Variants in CDH18 observed in about 807,000 individuals in gnomAD.
CDH18 encodes the protein cadherin-18.
In CDH18, 31 loss-of-function variants were observed where a neutral mutation model predicts 67.9. The observed-to-expected ratio is 0.46, with a 90% CI of 0.34 to 0.62. The LOEUF (loss-of-function observed/expected upper bound fraction) is 0.62, where lower values mean the gene tolerates loss of function less well. Ranked by LOEUF, CDH18 falls within the 20% of genes least tolerant of loss-of-function variation. The probability of loss-of-function intolerance (pLI) is 0.01; values close to 1 mark genes in which losing one functional copy is unlikely to be tolerated. For synonymous variants in CDH18, 362 were observed against 347.2 expected (o/e 1.04, Z -0.48); for missense variants, 890 against 975.5 (o/e 0.91, Z 1.17).
chr5:20,389,932 C>T (rs1349609755), intron 1 of CDH18, among the ~76,000 whole-genome samples: 2 of 152,128 alleles, frequency 1.3e-5, no homozygotes, highest in African/African-American at 4.8e-5. Flanking sequence ...ACTGGCTAGC[C>T]ATAGGTAGAA....
At chr5:19,707,196 G>T (rs1318981258) in intron 5 of CDH18, among the ~76,000 whole-genome samples, 1 of 152,072 alleles carries the variant, frequency 6.6e-6, no homozygotes, top group Admixed American at 6.5e-5. Context: ...CATTGCTCAA[G>T]TTCATGCTGA....
At chr5:19,831,467 G>T (rs532457726) in intron 3 of CDH18, among the ~76,000 whole-genome samples, 4 of 151,986 alleles carry the variant, frequency 2.6e-5, no homozygotes, top group Admixed American at 6.6e-5. Flanking sequence ...CTTCTCAAAA[G>T]AAGACATACA....
chr5:20,487,166 C>T (rs1394017102), intron 1 of CDH18, among the ~76,000 whole-genome samples: 2 of 152,276 alleles, frequency 1.3e-5, no homozygotes, highest in East Asian at 3.9e-4. Context: ...TCCCATGGTA[C>T]TGGCTCTAGG....
intron 5 of CDH18, among the ~76,000 whole-genome samples, chr5:19,695,445 G>T (rs941933358): frequency 1.3e-5 from 2 of 152,132 alleles, no homozygotes; most frequent in African/African-American, 4.8e-5. Context: ...TTAGTAATCT[G>T]CTTATACAGC....
chr5:20,255,502 A>G (rs1411615728), exon 2 of CDH18: 1 of 152,158 alleles, frequency 6.6e-6, no homozygotes, highest in Non-Finnish European at 1.5e-5. Flanking sequence ...GCTGTGGTTG[A>G]GTCCTGCATA....
chr5:19,501,998 G>A (rs1160361764), intron 11 of CDH18, among the ~76,000 whole-genome samples: 7 of 152,298 alleles, frequency 4.6e-5, no homozygotes, highest in African/African-American at 1.7e-4. Context: ...AAATGTGAGA[G>A]ACAATTAAGC....
chr5:20,437,569 T>C (rs1281497940), intron 1 of CDH18, among the ~76,000 whole-genome samples: 2 of 151,330 alleles, frequency 1.3e-5, no homozygotes, highest in African/African-American at 4.9e-5. Context: ...AAACTGATAT[T>C]TTCAATTTCA....
At chr5:19,608,444 G>C (rs1157301218) in intron 6 of CDH18, among the ~76,000 whole-genome samples, 1 of 150,254 alleles carries the variant, frequency 6.7e-6, no homozygotes, top group African/African-American at 2.4e-5. Context: ...TTTTAATGAT[G>C]AAAATATTAT....
intron 1 of CDH18, among the ~76,000 whole-genome samples, chr5:20,358,843 T>C (rs1190280708): frequency 6.6e-6 from 1 of 151,986 alleles, no homozygotes; most frequent in African/African-American, 2.4e-5. Context: ...TATTTTAATA[T>C]ACATATGTAC....
chr5:19,666,233 GATTTTTATTATTATTATTATTATT>G (rs1757906270), intron 5 of CDH18, among the ~76,000 whole-genome samples: 3 of 122,284 alleles, frequency 2.5e-5, no homozygotes, highest in African/African-American at 5.7e-5. Flanking sequence ...ACGCCTGTAT[GATTTTTATTATTATTATTATTATT>G]ATTATTATTA....
intron 2 of CDH18, among the ~76,000 whole-genome samples, chr5:19,963,394 A>G (rs778468164): frequency 2.0e-5 from 3 of 152,066 alleles, no homozygotes; most frequent in Admixed American, 2.0e-4. Context: ...GTCCCCACCC[A>G]AATCTCATCT....
intron 8 of CDH18, among the ~76,000 whole-genome samples, chr5:19,559,863 T>C (rs1580208248): frequency 6.8e-6 from 1 of 148,044 alleles, no homozygotes; most frequent in East Asian, 2.0e-4. Context: ...TATACACTAA[T>C]AGTGACCAAG....
intron 1 of CDH18, among the ~76,000 whole-genome samples, chr5:19,987,781 A>T (rs1470441219): frequency 1.3e-5 from 2 of 152,172 alleles, no homozygotes; most frequent in Non-Finnish European, 2.9e-5. Flanking sequence ...TATTCTTCCA[A>T]CTTCTTCAGG....
At position 19,655,518 on chromosome 5, in the gene CDH18, A is replaced by G. The variant is rs540321018; in HGVS notation, c.644-42917T>C. Among the ~76,000 whole-genome samples, 7 of 152,120 alleles carry G rather than the reference A, an allele frequency of 4.6e-5. 1 individual carries two copies. The highest frequency in any genetic ancestry group is 1.7e-4 in the African/African-American group (7 of 41,524). On this transcript the variant is annotated intron_variant, in intron 5 of 12. Transcript: ENST00000382275. ...TATTTAATATTTGTGGAATAAATGT[A>G]TTGTTTTGTTTATTAATATATTTGG...
intron 2 of CDH18, among the ~76,000 whole-genome samples, chr5:20,200,265 C>T (rs1214234592): frequency 6.6e-6 from 1 of 152,110 alleles, no homozygotes; most frequent in Non-Finnish European, 1.5e-5. Flanking sequence ...AGTGATAGAA[C>T]ACCCAGATTC....
chr5:20,533,633 TAATG>T (rs1386626583), intron 1 of CDH18, among the ~76,000 whole-genome samples: 1 of 152,264 alleles, frequency 6.6e-6, no homozygotes, highest in African/African-American at 2.4e-5. Context: ...TTATAAAGCC[TAATG>T]AATTATCAGC....
intron 1 of CDH18, among the ~76,000 whole-genome samples, chr5:20,471,529 C>T (rs951847816): frequency 4.6e-5 from 7 of 152,054 alleles, no homozygotes; most frequent in South Asian, 2.1e-4. Context: ...CGGCAGGGCA[C>T]GGTGGCTCAC....
chr5:20,174,447 C>A (rs529716734), intron 2 of CDH18, among the ~76,000 whole-genome samples: 1 of 152,240 alleles, frequency 6.6e-6, no homozygotes, highest in African/African-American at 2.4e-5. Flanking sequence ...AAAGGTAACA[C>A]AGATACACTC....
chr5:19,660,008 A>G (rs1756941540), intron 5 of CDH18, among the ~76,000 whole-genome samples: 1 of 152,148 alleles, frequency 6.6e-6, no homozygotes, highest in South Asian at 2.1e-4. Context: ...CAAAATCACA[A>G]GCTAAAATGT....
Sources: allele counts gnomAD v4.1 joint callset (sites outside exome capture counted in the v4.1 genomes callset), GRCh38; gene constraint gnomAD v4.1.1; transcripts MANE v1.5; gene names NCBI Gene and HGNC (gene_info 2026-07-23, HGNC 2026-07-21).